WWOX: variants seen among roughly 807,000 people sequenced by gnomAD.
WWOX encodes the protein WW domain containing oxidoreductase, also known as WW domain-containing oxidoreductase.
WWOX carries 69 observed loss-of-function variants against 46.2 expected under a neutral mutation model. The ratio of observed to expected loss-of-function variants is 1.49; its 90% confidence interval spans 1.23 to 1.82. WWOX has a LOEUF of 1.82. Among genes scored for constraint, WWOX ranks in the 40% most tolerant of loss-of-function variants. The pLI is 0.00. For synonymous variants in WWOX, 359 were observed against 202.6 expected, an observed-to-expected ratio of 1.77 and a Z score of -6.56; for missense variants, 919 against 542.6, an observed-to-expected ratio of 1.69 and a Z score of -6.89.
intron 8 of WWOX, among the ~76,000 whole-genome samples, chr16:78,925,703 G>T (rs755671421): frequency 2.5e-4 from 38 of 152,220 alleles, no homozygotes; most frequent in Admixed American, 3.3e-4. Context: ...GAGAAGGGAA[G>T]TCTCCACCTT....
At chr16:78,193,648 C>A (rs2035953065) in intron 5 of WWOX, among the ~76,000 whole-genome samples, 2 of 61,118 alleles carry the variant, frequency 3.3e-5, no homozygotes, top group Admixed American at 2.9e-4. Flanking sequence ...TTAGGGGATG[C>A]TAGGGGCTGG....
intron 4 of WWOX, among the ~76,000 whole-genome samples, chr16:78,119,553 A>T (rs1041148557): frequency 6.6e-6 from 1 of 151,330 alleles, no homozygotes; most frequent in African/African-American, 2.4e-5. Context: ...CATGCAAATT[A>T]TTTTCTGTAA....
chr16:78,686,148 C>A (rs2047852330), intron 8 of WWOX, among the ~76,000 whole-genome samples: 1 of 152,174 alleles, frequency 6.6e-6, no homozygotes, highest in South Asian at 2.1e-4. Flanking sequence ...CCTTCTGGAT[C>A]CTTCTTTGGC....
chr16:78,288,011 T>C (rs181804913), intron 5 of WWOX, among the ~76,000 whole-genome samples: 2 of 152,256 alleles, frequency 1.3e-5, no homozygotes, highest in Admixed American at 1.3e-4. Context: ...GAGAAACATT[T>C]CCCTAAGATT....
Position 78,390,864 on chromosome 16 carries a change from G to C in WWOX, c.605+3916G>C, listed in dbSNP as rs568715847. ...TTTTCACGCTGTTGCATTGAGGAGA[G>C]GAAAAAATCCCTTAAATTTGAATTC... On this transcript the variant is annotated intron_variant, in intron 6 of 8. Coordinates refer to ENST00000566780, the MANE Select transcript of WWOX (RefSeq NM_016373.4). Among the ~76,000 whole-genome samples the C allele has an allele frequency of 2.6e-5, 4 of 152,224 alleles. No individual in the cohort carries two copies. The East Asian group carries it at 5.8e-4, about 22-fold the overall frequency.
At chr16:78,182,284 T>A (rs1567616482) in intron 5 of WWOX, among the ~76,000 whole-genome samples, 1 of 152,154 alleles carries the variant, frequency 6.6e-6, no homozygotes, top group Non-Finnish European at 1.5e-5. Flanking sequence ...TAGCGTGTGC[T>A]TTCCAAGTGC....
chr16:78,862,413 A>G (rs951140464), intron 8 of WWOX, among the ~76,000 whole-genome samples: 14 of 151,662 alleles, frequency 9.2e-5, no homozygotes, highest in Non-Finnish European at 1.8e-4. Flanking sequence ...TGTACTATAC[A>G]CTGTGTACTA....
At position 78,424,981 on chromosome 16, in the gene WWOX, T is replaced by C. The variant is rs368070977; in HGVS notation, c.717T>C (p.Leu239=). ...TGAATCATCTGGGGCACTTCTACCT[T>C]GTCCAGCTCCTCCAGGATGTTTTGT... is the stretch of plus-strand genomic sequence containing the variant. The part of the protein sequence containing the change: ...FQVNHLGHFY[L]VQLLQDVLCR... Residue 239 remains leucine, a synonymous_variant, in exon 7 of 9, where the codon CTT becomes CTC. Transcript: ENST00000566780. The C allele has an allele frequency of 6.2e-7, 1 of 1,614,200 alleles. No individual in the cohort carries two copies. Among genetic ancestry groups the C allele is most frequent in the South Asian group, 1.1e-5 (1 of 91,076 alleles).
intron 8 of WWOX, among the ~76,000 whole-genome samples, chr16:78,657,824 TG>T (rs2047116114): frequency 6.6e-6 from 1 of 152,186 alleles, no homozygotes; most frequent in Non-Finnish European, 1.5e-5. Context: ...TTTTTTTGTG[TG>T]TGTGTTATTT....
At chr16:78,739,592 C>T (rs1002290042) in intron 8 of WWOX, among the ~76,000 whole-genome samples, 3 of 152,134 alleles carry the variant, frequency 2.0e-5, no homozygotes, top group African/African-American at 7.2e-5. Context: ...AGATAAATCA[C>T]CTGAGGTTAG....
chr16:78,166,266 A>G (rs1303430029), intron 5 of WWOX, among the ~76,000 whole-genome samples: 1 of 151,706 alleles, frequency 6.6e-6, no homozygotes, highest in African/African-American at 2.4e-5. Context: ...TCATGTGCTT[A>G]TGCTATAACC....
In WWOX at chr16:79,060,712, T is replaced by A. The variant is rs2048343284; in HGVS notation, c.1057-150896T>A. Among the ~76,000 whole-genome samples the A allele has an allele frequency of 2.0e-5, 3 of 152,356 alleles. No homozygotes were observed. The South Asian group carries it at 6.2e-4, about 32-fold the overall frequency. On this transcript the variant is annotated intron_variant, in intron 8 of 8. Coordinates refer to ENST00000566780, the MANE Select transcript of WWOX (RefSeq NM_016373.4). ...TTTTATCTTTGTTTAATGTAACCAA[T>A]GAGGCCATTGTCACTGTATGGAGAA... is the stretch of plus-strand genomic sequence containing the variant.
chr16:78,932,329 C>G (rs999895782), intron 8 of WWOX, among the ~76,000 whole-genome samples: 1 of 152,202 alleles, frequency 6.6e-6, no homozygotes, highest in African/African-American at 2.4e-5. Flanking sequence ...CTAACGCAGT[C>G]CTTGAGACAA....
chr16:78,236,431 A>G (rs1480504091), intron 5 of WWOX, among the ~76,000 whole-genome samples: 4 of 152,136 alleles, frequency 2.6e-5, no homozygotes, highest in South Asian at 2.1e-4. Flanking sequence ...TTTTTGACAG[A>G]CACATTAAGA....
intron 8 of WWOX, among the ~76,000 whole-genome samples, chr16:78,722,405 A>G (rs947567582): frequency 2.6e-5 from 4 of 152,318 alleles, no homozygotes; most frequent in South Asian, 2.1e-4. Context: ...GATGGAGAAA[A>G]TAGCTGAAAA....
intron 8 of WWOX, among the ~76,000 whole-genome samples, chr16:79,194,118 G>A (rs371547638): frequency 1.4e-3 from 212 of 152,224 alleles, no homozygotes; most frequent in Non-Finnish European, 2.0e-3. Flanking sequence ...TTAGAGCAGC[G>A]TGTGGCACGT....
At chr16:79,206,344 G>C (rs904809483) in intron 8 of WWOX, 30 of 152,160 alleles carry the variant, frequency 2.0e-4, no homozygotes, top group African/African-American at 7.0e-4. Context: ...TTGGGGAGCA[G>C]GTTTCATGTA....
At chr16:79,137,445 G>A (rs1179571478) in intron 8 of WWOX, among the ~76,000 whole-genome samples, 1 of 152,164 alleles carries the variant, frequency 6.6e-6, no homozygotes, top group Non-Finnish European at 1.5e-5. Flanking sequence ...ATTCACTTAT[G>A]AATGTTCTAA....
At chr16:79,098,302 C>T (rs371117436) in intron 8 of WWOX, among the ~76,000 whole-genome samples, 1 of 152,200 alleles carries the variant, frequency 6.6e-6, no homozygotes, top group African/African-American at 2.4e-5. Flanking sequence ...AACTGAGTCT[C>T]AGTGTCTGAG....
Sources: gnomAD v4.1 joint callset for allele counts (sites outside exome capture counted in the v4.1 genomes callset) on GRCh38, gnomAD v4.1.1 for gene constraint, MANE v1.5 for transcripts, NCBI Gene and HGNC (gene_info 2026-07-23, HGNC 2026-07-21) for gene names.